ATP1A3: variants seen among roughly 807,000 people sequenced by gnomAD.
The protein encoded by ATP1A3 is ATPase Na+/K+ transporting subunit alpha 3.
A neutral mutation model predicts 108.8 loss-of-function variants in ATP1A3; 12 were observed. The observed-to-expected ratio is 0.11, with a 90% CI of 0.07 to 0.18. The LOEUF is 0.18. Ranked by LOEUF, ATP1A3 falls within the 10% of genes least tolerant of loss-of-function variation. The pLI, the probability that ATP1A3 is intolerant of heterozygous loss-of-function variation, is 1.00. For synonymous variants in ATP1A3, 539 were observed against 564.5 expected (o/e 0.95, Z 0.64); for missense variants, 498 against 1,387.7 (o/e 0.36, Z 10.19).
chr19:41,977,407 C>T (rs1442766520), intron 14 of ATP1A3, among the ~76,000 whole-genome samples: 4 of 151,716 alleles, frequency 2.6e-5, no homozygotes, highest in African/African-American at 7.3e-5. Context: ...GAATGCAGGC[C>T]GGGCGCAGTG....
chr19:41,969,422 C>T lies in ATP1A3; in HGVS notation c.2688+13G>A. The T allele has an allele frequency of 5.0e-6, 8 of 1,614,152 alleles. No homozygotes were observed. Among genetic ancestry groups the T allele is most frequent in the Non-Finnish European group, 6.8e-6 (8 of 1,180,014 alleles). On this transcript the variant is annotated intron_variant, in intron 19 of 22. Coordinates refer to ENST00000648268, the MANE Select transcript of ATP1A3 (RefSeq NM_152296.5). ...TTACGGTGGGCAGAGACACAGCACC[C>T]TGCCCTACTCACCCACTGCTGCCCG...
chr19:41,980,739 G>A (rs1228493663), intron 11 of ATP1A3, among the ~76,000 whole-genome samples: 7 of 151,946 alleles, frequency 4.6e-5, no homozygotes, highest in Non-Finnish European at 8.8e-5. Context: ...GTGAAACCCC[G>A]TCTCTACTAA....
In ATP1A3 at chr19:41,988,707, C is replaced by T. The variant is rs908418606; in HGVS notation, c.7-145G>A. 18 of 1,522,312 alleles carry T rather than the reference C, an allele frequency of 1.2e-5. No homozygotes were observed. Among genetic ancestry groups the T allele is most frequent in the Middle Eastern group, 4.2e-4 (2 of 4,764 alleles). The allele number at this position is 1,522,312 out of a possible 1,614,324, so 94.3% of individuals were successfully genotyped here. ...GGGTGGGGGGTCTCTGTCTGCCTCT[C>T]GGGGTCTCCCTGTGTCTCCCGGAGC... On this transcript the variant is annotated intron_variant, in intron 1 of 22. Transcript: ENST00000648268. The surrounding 1 kb of genome is among the most constrained non-coding windows in gnomAD (Gnocchi z 5.3).
chr19:41,984,927 G>C lies in ATP1A3; in HGVS notation c.984C>G (p.Ala328=). The C allele has an allele frequency of 6.2e-7, 1 of 1,613,108 alleles. No homozygotes were observed. The highest frequency in any genetic ancestry group is 8.5e-7 in the Non-Finnish European group (1 of 1,179,574). ...IVANVPEGLL[A]TVTVCLTLTA... is the part of the protein sequence containing the mutation. ...AGGAGCCTGGCCTTACAGTGACAGT[G>C]GCCAGCAGACCCTCTGGGACATTGG... The change falls in exon 8 of 23, where the codon GCC becomes GCG. Residue 328 remains alanine (A), a synonymous_variant. Transcript: ENST00000648268.
At chr19:41,970,611 C>T (rs1203791808) in intron 16 of ATP1A3, 69 bp from the exon 17 acceptor site, 2 of 1,508,668 alleles carry the variant, frequency 1.3e-6, no homozygotes, top group Non-Finnish European at 1.8e-6. Context: ...CCCTCCTCTG[C>T]CCTCATCCAA....
intron 1 of ATP1A3, among the ~76,000 whole-genome samples, chr19:41,989,974 A>G (rs1381848329): frequency 2.6e-5 from 4 of 151,550 alleles, no homozygotes; most frequent in African/African-American, 9.7e-5. Flanking sequence ...GTCTGTCTCC[A>G]TCTCTTGGCT....
intron 18 of ATP1A3, 79 bp downstream of exon 18, chr19:41,970,106 C>T: frequency 1.2e-6 from 2 of 1,611,506 alleles, no homozygotes; most frequent in South Asian, 2.2e-5. Flanking sequence ...ATGCCAGGGT[C>T]CCAAGCACCC....
chr19:41,986,773 C>T (rs573514182), intron 4 of ATP1A3: 4 of 151,558 alleles, frequency 2.6e-5, no homozygotes, highest in South Asian at 1.6e-4. Context: ...GACAGGGTCT[C>T]GCTCTGCTGC....
rs782018096 is a variant in ATP1A3 at position 41,982,082 on chromosome 19, G to A, written c.1018C>T (p.Arg340Cys). 5 of 1,614,154 alleles carry A rather than the reference G, an allele frequency of 3.1e-6. No homozygotes were observed. The highest frequency in any genetic ancestry group is 1.7e-6 in the Non-Finnish European group (2 of 1,180,022). Residue 340 changes from arginine (R) to cysteine (C), a missense_variant, in exon 9 of 23, where the codon CGC (arginine) becomes TGC (cysteine). Around this residue, in one of 9 missense-constraint regions of ATP1A3, gnomAD observed 127 missense variants for 464.0 expected, o/e 0.27. Transcript: ENST00000648268. Reference sequence around the variant, plus strand: ...ACCAGGCAGTTCTTCCGGGCCATGCGCTTGGCGGTCAGCGTCAGACACACC... The same window carrying A: ...ACCAGGCAGTTCTTCCGGGCCATGCACTTGGCGGTCAGCGTCAGACACACC... ...VTVCLTLTAKRMARKNCLVKN... is the reference protein window; with the variant it reads ...VTVCLTLTAKCMARKNCLVKN...
Position 41,972,575 on chromosome 19 carries a change from G to A in ATP1A3, c.2264-2033C>T, listed in dbSNP as rs373661243. Among the ~76,000 whole-genome samples, 66 of 152,080 alleles carry A rather than the reference G, an allele frequency of 4.3e-4. No homozygotes were observed. The East Asian group carries it at 0.01, about 24-fold the overall frequency. ...AGGTCAGGAGATCGAGACTATCCTG[G>A]CCAACATGGTGAAACCCCATCTCTA... On this transcript the variant is annotated intron_variant, in intron 16 of 22. Coordinates refer to ENST00000648268, the MANE Select transcript of ATP1A3 (RefSeq NM_152296.5).
intron 16 of ATP1A3, among the ~76,000 whole-genome samples, chr19:41,975,414 G>T (rs148740692): frequency 6.6e-6 from 1 of 152,142 alleles, no homozygotes; most frequent in South Asian, 2.1e-4. Flanking sequence ...GCTGGATGAC[G>T]CAGGGACCCT....
At chr19:41,974,551 T>C (rs1168810387) in intron 16 of ATP1A3, among the ~76,000 whole-genome samples, 1 of 152,218 alleles carries the variant, frequency 6.6e-6, no homozygotes, top group African/African-American at 2.4e-5. Flanking sequence ...TCTGTTACTC[T>C]GGGCTCGGCT....
Position 41,978,365 on chromosome 19 carries a change from C to T in ATP1A3, c.1631-39G>A. 6.4e-7 allele frequency: 1 copy of T among 1,567,074 alleles called. No individual in the cohort carries two copies. The highest frequency in any genetic ancestry group is 8.7e-7 in the Non-Finnish European group (1 of 1,155,752). ...AGGGTTGGGGTGTGAGGGTCCCAGC[C>T]TCGGAACCTCCGCCCCATGCCCCTA... is the stretch of plus-strand genomic sequence containing the variant. On this transcript the variant is annotated intron_variant, in intron 12 of 22. Coordinates refer to ENST00000648268, the MANE Select transcript of ATP1A3 (RefSeq NM_152296.5). The surrounding 1 kb of genome is among the most constrained non-coding windows in gnomAD (Gnocchi z 8.3).
intron 8 of ATP1A3, among the ~76,000 whole-genome samples, chr19:41,983,275 G>A (rs1394921245): frequency 6.6e-6 from 1 of 151,432 alleles, no homozygotes; most frequent in Non-Finnish European, 1.5e-5. Flanking sequence ...ATGGGGTTTT[G>A]CCATGTTGGC....
chr19:41,994,126 G>T lies in ATP1A3; in HGVS notation c.-50C>A. 6.5e-7 allele frequency: 1 copy of T among 1,542,560 alleles called. No individual in the cohort carries two copies. Among genetic ancestry groups the T allele is most frequent in the East Asian group, 2.5e-5 (1 of 40,296 alleles). On this transcript the variant is annotated 5_prime_UTR_variant, in exon 1 of 23. Coordinates refer to ENST00000648268, the MANE Select transcript of ATP1A3 (RefSeq NM_152296.5). ...CCAGGCGGGCGGGGCGGGGACCTCG[G>T]GGCGGGCTCAGGCTCAGGCTTGGGC... is the stretch of plus-strand genomic sequence containing the variant.
Position 41,978,995 on chromosome 19 carries a change from CT to C in ATP1A3, c.1438-198del, listed in dbSNP as rs1555862455. Among the ~76,000 whole-genome samples the C allele has an allele frequency of 6.6e-6, 1 of 151,686 alleles. No individual in the cohort carries two copies. Among genetic ancestry groups the C allele is most frequent in the African/African-American group, 2.4e-5 (1 of 41,116 alleles). ...TGGATATATATTTCTTTTTCTTTTTCTTTTTTTCTTTTTTCTTTTTTTTTTG... is the reference window on the plus strand; with the variant it reads ...TGGATATATATTTCTTTTTCTTTTTCTTTTTTCTTTTTTCTTTTTTTTTTG... On this transcript the variant is annotated intron_variant, in intron 11 of 22. Coordinates refer to ENST00000648268, the MANE Select transcript of ATP1A3 (RefSeq NM_152296.5). This position sits in a 1 kb window ranked among gnomAD's most constrained non-coding sequence, Gnocchi z 8.3.
chr19:41,986,553 T>G, intron 4 of ATP1A3: 1 of 336,126 alleles, frequency 3.0e-6, no homozygotes, highest in Non-Finnish European at 5.8e-6. Context: ...GCGATCCTCC[T>G]GCCTCAGCCT....
rs367904817 is a variant in ATP1A3 at position 41,978,303 on chromosome 19, C to T, written c.1654G>A (p.Glu552Lys). Reference sequence around the variant, plus strand: ...GCAAAGCCCTTGGGGAACTGCTCCTCGGGCAGGTAATAATGGCAGAAACCT... The same window carrying T: ...GCAAAGCCCTTGGGGAACTGCTCCTTGGGCAGGTAATAATGGCAGAAACCT... ...VLGFCHYYLP[E>K]EQFPKGFAFD... Residue 552 changes from glutamate to lysine, a missense_variant, in exon 13 of 23, where the codon GAG becomes AAG. Coordinates refer to ENST00000648268, the MANE Select transcript of ATP1A3 (RefSeq NM_152296.5). This position sits in a 1 kb window ranked among gnomAD's most constrained non-coding sequence, Gnocchi z 8.3. The T allele has an allele frequency of 1.2e-6, 2 of 1,606,990 alleles. No homozygotes were observed.
rs137871464 is a variant in ATP1A3 at position 41,981,406 on chromosome 19, T to A, written c.1437+96A>T. 1 of 1,585,512 alleles carries A rather than the reference T, an allele frequency of 6.3e-7. No individual in the cohort carries two copies. Among genetic ancestry groups the A allele is most frequent in the Non-Finnish European group, 8.6e-7 (1 of 1,156,274 alleles). ...ACCAGGCGGGTATTATCATTCCCAT[T>A]TTACAGACGGGAAAATCAAGGCTCT... On this transcript the variant is annotated intron_variant, in intron 11 of 22. Coordinates refer to ENST00000648268, the MANE Select transcript of ATP1A3 (RefSeq NM_152296.5). The surrounding 1 kb of genome is among the most constrained non-coding windows in gnomAD (Gnocchi z 5.0).
Sources: allele counts gnomAD v4.1 joint callset (sites outside exome capture counted in the v4.1 genomes callset), GRCh38; gene constraint gnomAD v4.1.1; regional missense constraint gnomAD v4.1.1; non-coding constraint Gnocchi (gnomAD v3.1); transcripts MANE v1.5; gene names NCBI Gene and HGNC (gene_info 2026-07-23, HGNC 2026-07-21).